Variants in GPC6 observed in about 807,000 individuals in gnomAD.
GPC6 encodes the protein glypican 6.
Under a neutral mutation model 55.2 loss-of-function variants are expected in GPC6, and 14 were observed. The observed-to-expected ratio is 0.25, with a 90% CI of 0.17 to 0.40. The LOEUF is 0.40. Among genes scored for constraint, GPC6 ranks in the 10% least tolerant of loss-of-function variants. GPC6 has a pLI of 1.00. For synonymous variants in GPC6, 278 were observed against 259.6 expected, an observed-to-expected ratio of 1.07 and a Z score of -0.68; for missense variants, 641 against 708.5, an observed-to-expected ratio of 0.90 and a Z score of 1.08.
At chr13:93,521,583 C>A (rs1881424216) in intron 1 of GPC6, among the ~76,000 whole-genome samples, 1 of 151,918 alleles carries the variant, frequency 6.6e-6, no homozygotes, top group Admixed American at 6.6e-5. Flanking sequence ...TGCCTTATTT[C>A]TGAAGGAGGG....
intron 2 of GPC6, among the ~76,000 whole-genome samples, chr13:93,723,455 A>G (rs1171355757): frequency 2.6e-5 from 4 of 152,030 alleles, no homozygotes; most frequent in African/African-American, 7.2e-5. Flanking sequence ...GGAGCAGTAT[A>G]TGATTTCACA....
chr13:93,977,854 A>G (rs960371477), intron 3 of GPC6, among the ~76,000 whole-genome samples: 5 of 152,214 alleles, frequency 3.3e-5, no homozygotes, highest in African/African-American at 1.2e-4. Flanking sequence ...AAAAAGAAGC[A>G]TTACAAAATA....
chr13:93,221,077 T>C, the GPC6 span, among the ~76,000 whole-genome samples: 1 of 151,948 alleles, frequency 6.6e-6, no homozygotes, highest in African/African-American at 2.4e-5. Flanking sequence ...GAAATAGGAT[T>C]TCGATATGTT....
In GPC6 at chr13:94,403,314, AACTT is replaced by A. The variant is rs1420665050; in HGVS notation, c.*100_*103del. 31 of 887,736 alleles carry A rather than the reference AACTT, an allele frequency of 3.5e-5. No individual in the cohort carries two copies. Among genetic ancestry groups the A allele is most frequent in the African/African-American group, 1.6e-4 (10 of 60,878 alleles). The allele number at this position is 887,736 out of a possible 1,614,324, so 55.0% of individuals were successfully genotyped here. A position where few individuals can be genotyped will look rare whatever the true frequency, so the allele number is the denominator to read the frequency against. On this transcript the variant is annotated 3_prime_UTR_variant, in exon 9 of 9. Coordinates refer to ENST00000377047, the MANE Select transcript of GPC6 (RefSeq NM_005708.5). ...CTTGGACAATGGACCATGCCACAAA[AACTT>A]ACCGTTTTCTATGAGAAGAGAGCAG... is the stretch of plus-strand genomic sequence containing the variant.
intron 4 of GPC6, among the ~76,000 whole-genome samples, chr13:94,157,700 T>G (rs914160557): frequency 6.6e-6 from 1 of 152,156 alleles, no homozygotes; most frequent in African/African-American, 2.4e-5. Flanking sequence ...CTGGTTTGAC[T>G]CCTGCTGTGA....
intron 3 of GPC6, among the ~76,000 whole-genome samples, chr13:93,881,328 T>C (rs1469246752): frequency 1.3e-5 from 2 of 152,138 alleles, no homozygotes; most frequent in Non-Finnish European, 2.9e-5. Context: ...GACAAAAGAA[T>C]TGTGGTGAAA....
intron 3 of GPC6, among the ~76,000 whole-genome samples, chr13:93,914,154 G>A (rs1442449530): frequency 6.6e-6 from 1 of 152,028 alleles, no homozygotes; most frequent in African/African-American, 2.4e-5. Flanking sequence ...CCATGTTGGT[G>A]TGCTGCACCC....
chr13:94,089,361 T>G (rs376757274), intron 4 of GPC6, among the ~76,000 whole-genome samples: 1 of 152,144 alleles, frequency 6.6e-6, no homozygotes, highest in African/African-American at 2.4e-5. Context: ...ATGTCTGTGA[T>G]TTTGATCATG....
intron 6 of GPC6, among the ~76,000 whole-genome samples, chr13:94,362,322 CT>C (rs888428272): frequency 6.6e-6 from 1 of 152,174 alleles, no homozygotes; most frequent in African/African-American, 2.4e-5. Context: ...TATCTTAAAA[CT>C]TGTACAGTCA....
In GPC6 at chr13:94,110,062, T is replaced by TAAAAAAA. The variant is rs78404632; in HGVS notation, c.877+82181_877+82187dup. ...AAACAAATGTTTCATCACCCTGGAC[T>TAAAAAAA]AAAAAAAAAAAAAAAAAAAGAAAAG... On this transcript the variant is annotated intron_variant, in intron 4 of 8. Transcript: ENST00000377047. Among the ~76,000 whole-genome samples, 11 of 84,588 alleles carry TAAAAAAA rather than the reference T, an allele frequency of 1.3e-4. 1 individual carries two copies. Among genetic ancestry groups the TAAAAAAA allele is most frequent in the Non-Finnish European group, 1.8e-4 (7 of 39,412 alleles). The allele number at this position is 84,588 out of a possible 152,430, so 55.5% of individuals were successfully genotyped here.
chr13:94,074,784 A>G (rs1362681495), intron 4 of GPC6, among the ~76,000 whole-genome samples: 1 of 152,214 alleles, frequency 6.6e-6, no homozygotes, highest in African/African-American at 2.4e-5. Context: ...CATAACCATG[A>G]CTGAAACAAA....
At chr13:93,327,214 T>G (rs1249171980) in intron 1 of GPC6, among the ~76,000 whole-genome samples, 2 of 152,200 alleles carry the variant, frequency 1.3e-5, no homozygotes, top group Admixed American at 1.3e-4. Flanking sequence ...GTTACACTTG[T>G]GATGACTGGT....
intron 2 of GPC6, among the ~76,000 whole-genome samples, chr13:93,554,467 T>A (rs540833709): frequency 1.4e-3 from 207 of 152,286 alleles, no homozygotes; most frequent in African/African-American, 4.6e-3. Flanking sequence ...TAAATCTCCT[T>A]GGTAAGTGTG....
At chr13:93,662,927 G>A (rs1014262800) in intron 2 of GPC6, among the ~76,000 whole-genome samples, 1 of 152,068 alleles carries the variant, frequency 6.6e-6, no homozygotes, top group Non-Finnish European at 1.5e-5. Context: ...GAATTCTGGT[G>A]AAGTCAGGTG....
intron 3 of GPC6, among the ~76,000 whole-genome samples, chr13:94,013,411 C>T (rs1056882717): frequency 6.6e-6 from 1 of 152,120 alleles, no homozygotes; most frequent in Non-Finnish European, 1.5e-5. Context: ...AGTGCTATGG[C>T]GCGATCTCAG....
chr13:94,072,480 A>G (rs987239931), intron 4 of GPC6, among the ~76,000 whole-genome samples: 46 of 152,188 alleles, frequency 3.0e-4, no homozygotes, highest in Non-Finnish European at 5.4e-4. Context: ...CAGCCTGCCA[A>G]GTAGCTGGGA....
intron 1 of GPC6, among the ~76,000 whole-genome samples, chr13:93,324,603 TATATATATAA>T (rs146046187): frequency 0.15 from 20,692 of 138,240 alleles, 1,744 homozygotes; most frequent in East Asian, 0.44. Context: ...TATATATATA[TATATATATAA>T]AATCTCTGAG....
chr13:94,028,191 G>A (rs1259948900), intron 4 of GPC6, among the ~76,000 whole-genome samples: 5 of 151,962 alleles, frequency 3.3e-5, no homozygotes, highest in Admixed American at 1.3e-4. Context: ...CTTGAGCTTC[G>A]GAGGTTGAGG....
At chr13:93,503,721 C>T (rs923999543) in intron 1 of GPC6, among the ~76,000 whole-genome samples, 1 of 152,008 alleles carries the variant, frequency 6.6e-6, no homozygotes, top group African/African-American at 2.4e-5. Context: ...AATTCTAGGG[C>T]TTGAGTGGTA....
Sources: gnomAD v4.1 joint callset for allele counts (sites outside exome capture counted in the v4.1 genomes callset) on GRCh38, gnomAD v4.1.1 for gene constraint, MANE v1.5 for transcripts, NCBI Gene and HGNC (gene_info 2026-07-23, HGNC 2026-07-21) for gene names.